The following CRTC3 variants were observed in gnomAD, a reference collection of about 807,000 sequenced individuals.
The protein encoded by CRTC3 is CREB regulated transcription coactivator 3.
Under a neutral mutation model 74.5 loss-of-function variants are expected in CRTC3, and 26 were observed. That is an observed-to-expected ratio of 0.35 (90% CI 0.26 to 0.48). CRTC3 has a LOEUF of 0.48. Ranked by LOEUF, CRTC3 falls within the 20% of genes least tolerant of loss-of-function variation. The pLI is 0.99. For synonymous variants in CRTC3, 377 were observed against 325.8 expected, an observed-to-expected ratio of 1.16 and a Z score of -1.69; for missense variants, 760 against 787.3, an observed-to-expected ratio of 0.97 and a Z score of 0.41.
chr15:90,613,553 G>T (rs1394944518), intron 6 of CRTC3: 1 of 152,232 alleles, frequency 6.6e-6, no homozygotes, highest in African/African-American at 2.4e-5. Flanking sequence ...AGCACTTAAT[G>T]CAGAAACTTA....
intron 11 of CRTC3, among the ~76,000 whole-genome samples, chr15:90,637,083 T>A (rs1182996515): frequency 6.6e-6 from 1 of 152,246 alleles, no homozygotes; most frequent in Non-Finnish European, 1.5e-5. Flanking sequence ...TAAATCATGC[T>A]GCTATAAAAA....
intron 9 of CRTC3, among the ~76,000 whole-genome samples, chr15:90,624,382 G>C (rs922632875): frequency 1.1e-4 from 17 of 151,728 alleles, no homozygotes; most frequent in African/African-American, 4.1e-4. Flanking sequence ...CCATTCTCCA[G>C]CTTAACCTGG....
chr15:90,615,075 TAAA>T (rs1437558918), intron 7 of CRTC3, among the ~76,000 whole-genome samples: 8 of 151,796 alleles, frequency 5.3e-5, no homozygotes, highest in South Asian at 2.1e-4. Flanking sequence ...AATAAATAAA[TAAA>T]TAAATAAATA....
At chr15:90,607,928 G>T (rs1199611209) in intron 6 of CRTC3, among the ~76,000 whole-genome samples, 1 of 152,192 alleles carries the variant, frequency 6.6e-6, no homozygotes. Flanking sequence ...GGAAGTGACT[G>T]TCTCTGTAGG....
chr15:90,594,359 C>T (rs1390291469), intron 3 of CRTC3: 1 of 152,248 alleles, frequency 6.6e-6, no homozygotes, highest in Non-Finnish European at 1.5e-5. Flanking sequence ...TTAATCAGTC[C>T]TGTTTACAGG....
chr15:90,562,468 A>G (rs1967032906), intron 2 of CRTC3, among the ~76,000 whole-genome samples: 1 of 152,200 alleles, frequency 6.6e-6, no homozygotes, highest in East Asian at 1.9e-4. Context: ...AAGCAAGTGT[A>G]GACACACAAA....
In CRTC3 at chr15:90,593,672, C is replaced by T. The variant is rs1967851721; in HGVS notation, c.268C>T (p.Arg90Cys). Residue 90 changes from arginine (R) to cysteine (C), a missense_variant, in exon 3 of 15, where the codon CGC (arginine) becomes TGC (cysteine). By Grantham distance (180) the Arg-to-Cys change is radical. This residue lies in a region of CRTC3 where 108 missense variants were observed against 152.1 expected (regional missense o/e 0.71). Coordinates refer to ENST00000268184, the MANE Select transcript of CRTC3 (RefSeq NM_022769.5). ...CCAAGCTGATAATGTTCGGGGAACC[C>T]GCCATCACGGGCTGGTGGAGAGGCC... The part of the protein sequence containing the change: ...FHQADNVRGT[R>C]HHGLVERPSR... 2 of 1,610,810 alleles carry T rather than the reference C, an allele frequency of 1.2e-6. No homozygotes were observed. Among genetic ancestry groups the T allele is most frequent in the African/African-American group, 1.3e-5 (1 of 74,896 alleles).
intron 9 of CRTC3, among the ~76,000 whole-genome samples, chr15:90,622,297 T>G (rs1282312891): frequency 6.6e-6 from 1 of 152,182 alleles, no homozygotes; most frequent in African/African-American, 2.4e-5. Context: ...TTCTCCCAGC[T>G]GCAGAGGAAT....
At chr15:90,558,547 T>C (rs1029800538) in intron 2 of CRTC3, among the ~76,000 whole-genome samples, 17 of 152,114 alleles carry the variant, frequency 1.1e-4, no homozygotes, top group African/African-American at 3.9e-4. Context: ...CCTTGAACCT[T>C]GCTTAGGATT....
At chr15:90,641,072 C>T in intron 13 of CRTC3, 25 bp from the exon 14 acceptor site, 2 of 1,519,796 alleles carry the variant, frequency 1.3e-6, no homozygotes, top group Non-Finnish European at 1.8e-6. Context: ...TGTGGCCTTC[C>T]TCACATGACC....
At chr15:90,541,506 A>G (rs969740291) in intron 2 of CRTC3, among the ~76,000 whole-genome samples, 2 of 152,162 alleles carry the variant, frequency 1.3e-5, no homozygotes, top group African/African-American at 4.8e-5. Flanking sequence ...ACTCTTTACC[A>G]TATTACTGCC....
Position 90,545,851 on chromosome 15 carries a change from T to G in CRTC3, c.231+5714T>G, listed in dbSNP as rs897173859. Among the ~76,000 whole-genome samples, 6 of 152,240 alleles carry G rather than the reference T, an allele frequency of 3.9e-5. No homozygotes were observed. In the South Asian group the frequency reaches 6.2e-4, roughly 16 times the overall value. On this transcript the variant is annotated intron_variant, in intron 2 of 14. Coordinates refer to ENST00000268184, the MANE Select transcript of CRTC3 (RefSeq NM_022769.5). ...CCTTGGCCTCCCAAAGTGCTGGGAT[T>G]ACAGGCGTGAGCCACTGCGCCTGGC... is the stretch of plus-strand genomic sequence containing the variant.
intron 3 of CRTC3, 84 bp downstream of exon 3, chr15:90,593,839 T>C: frequency 7.1e-7 from 1 of 1,417,608 alleles, no homozygotes; most frequent in African/African-American, 1.4e-5. Context: ...GCAATTCTCC[T>C]TTGGCCTCAG....
Position 90,631,047 on chromosome 15 carries a change from G to T in CRTC3, c.1266+1515G>T, listed in dbSNP as rs1969020305. ...CCGCCTCGGCCTCCCAAAGTGCTGGGATTACAGGCGTGAGCCACCGCGCCC... is the reference window on the plus strand; with the variant it reads ...CCGCCTCGGCCTCCCAAAGTGCTGGTATTACAGGCGTGAGCCACCGCGCCC... On this transcript the variant is annotated intron_variant, in intron 11 of 14. Coordinates refer to ENST00000268184, the MANE Select transcript of CRTC3 (RefSeq NM_022769.5). Among the ~76,000 whole-genome samples, 2 of 16,290 alleles carry T rather than the reference G, an allele frequency of 1.2e-4. 1 individual carries two copies. The highest frequency in any genetic ancestry group is 5.1e-4 in the Non-Finnish European group (2 of 3,944). The allele number at this position is 16,290 out of a possible 152,430, so 10.7% of individuals were successfully genotyped here.
At chr15:90,641,388 T>A (rs1170911487) in intron 14 of CRTC3, 189 bp downstream of exon 14, 1 of 573,490 alleles carries the variant, frequency 1.7e-6, no homozygotes, top group Admixed American at 3.0e-5. Flanking sequence ...GGCCTGGTAG[T>A]CAAAGCCTTT....
In CRTC3 at chr15:90,530,680, A is replaced by G. The variant is rs956652416; in HGVS notation, c.132+477A>G. 1 of 152,038 alleles carries G rather than the reference A, an allele frequency of 6.6e-6. No homozygotes were observed. The highest frequency in any genetic ancestry group is 2.4e-5 in the African/African-American group (1 of 41,372). The allele number at this position is 152,038 out of a possible 1,614,324, so 9.4% of individuals were successfully genotyped here. A position where few individuals can be genotyped will look rare whatever the true frequency, so the allele number is the denominator to read the frequency against. ...GCTCGTGGGGGGAGCTCTGTGCACA[A>G]GTCCATCCAGGGCCCGGCCCTGGGG... is the stretch of plus-strand genomic sequence containing the variant. On this transcript the variant is annotated intron_variant, in intron 1 of 14. Coordinates refer to ENST00000268184, the MANE Select transcript of CRTC3 (RefSeq NM_022769.5). This position sits in a 1 kb window ranked among gnomAD's most constrained non-coding sequence, Gnocchi z 6.2.
intron 2 of CRTC3, among the ~76,000 whole-genome samples, chr15:90,584,423 C>A (rs532384018): frequency 6.6e-6 from 1 of 152,042 alleles, no homozygotes; most frequent in Non-Finnish European, 1.5e-5. Flanking sequence ...TTTTAGTAGA[C>A]ATGGGGTTTC....
At chr15:90,618,751 A>G (rs1408530613) in intron 8 of CRTC3, among the ~76,000 whole-genome samples, 1 of 152,248 alleles carries the variant, frequency 6.6e-6, no homozygotes, top group Non-Finnish European at 1.5e-5. Context: ...TTGTCTTAAA[A>G]GGCTTTTTGT....
intron 11 of CRTC3, among the ~76,000 whole-genome samples, chr15:90,631,446 T>G (rs377030251): frequency 3.1e-4 from 47 of 152,222 alleles, no homozygotes; most frequent in African/African-American, 1.1e-3. Context: ...AGGGTCTCCC[T>G]GGGCTGGGTG....
Sources: gnomAD v4.1 joint callset for allele counts (sites outside exome capture counted in the v4.1 genomes callset) on GRCh38, gnomAD v4.1.1 for gene constraint, gnomAD v4.1.1 regional missense constraint, Gnocchi (gnomAD v3.1) non-coding constraint, MANE v1.5 for transcripts, NCBI Gene and HGNC (gene_info 2026-07-23, HGNC 2026-07-21) for gene names.